Variants in FPGS observed in about 807,000 individuals in gnomAD.
FPGS encodes folylpolyglutamate synthase.
A neutral mutation model predicts 66.5 loss-of-function variants in FPGS; 53 were observed. The observed-to-expected ratio is 0.80, with a 90% confidence interval of 0.64 to 1.00. FPGS has a LOEUF of 1.00. FPGS is among the 50% of genes least tolerant of loss of function. The pLI is 0.00. For synonymous variants in FPGS, 348 were observed against 350.9 expected (o/e 0.99, Z 0.09); for missense variants, 702 against 807.7 (o/e 0.87, Z 1.59).
chr9:127,811,363 T>C (rs1362972182), intron 14 of FPGS, among the ~76,000 whole-genome samples: 2 of 151,332 alleles, frequency 1.3e-5, no homozygotes, highest in African/African-American at 4.9e-5. Context: ...GTGCCTGTAG[T>C]CTCAGCTACT....
chr9:127,804,791 C>G (rs1829745736), intron 4 of FPGS, 91 bp downstream of exon 4: 2 of 1,246,376 alleles, frequency 1.6e-6, no homozygotes, highest in Non-Finnish European at 2.4e-6. Context: ...AGGGTCACCC[C>G]CAGGAGGTCA....
At chr9:127,804,037 A>G (rs1291758099) in intron 1 of FPGS, among the ~76,000 whole-genome samples, 1 of 152,218 alleles carries the variant, frequency 6.6e-6, no homozygotes, top group East Asian at 1.9e-4. Context: ...CCCGTTAGTC[A>G]TGCCACCTTC....
Position 127,807,908 on chromosome 9 carries a change from C to T in FPGS, c.744+220C>T. 1 of 570,816 alleles carries T rather than the reference C, an allele frequency of 1.8e-6. No individual in the cohort carries two copies. Among genetic ancestry groups the T allele is most frequent in the Non-Finnish European group, 3.1e-6 (1 of 324,992 alleles). 35.4% of individuals were successfully genotyped at this position (570,816 alleles called of 1,614,324 possible). On this transcript the variant is annotated intron_variant, in intron 8 of 14. Transcript: ENST00000373247. This position sits in a 1 kb window ranked among gnomAD's most constrained non-coding sequence, Gnocchi z 5.8. ...ATCACCTGAGATCCGGAGTTTGAGA[C>T]CAGCCTGACCAATATGGGGAAACTC... is the stretch of plus-strand genomic sequence containing the variant.
chr9:127,804,610 G>T, intron 3 of FPGS, 26 bp from the exon 4 acceptor site: 1 of 1,614,054 alleles, frequency 6.2e-7, no homozygotes, highest in Non-Finnish European at 8.5e-7. Context: ...AGTAGAGCCT[G>T]CCCAGACAAT....
chr9:127,807,669 A>T lies in FPGS; in HGVS notation c.725A>T (p.Gln242Leu). 6.3e-7 allele frequency: 1 copy of T among 1,591,620 alleles called. No homozygotes were observed. Residue 242 changes from glutamine to leucine, a missense_variant, in exon 8 of 15, where the codon CAG becomes CTG. This residue lies in a region of FPGS where 240 missense variants were observed against 348.6 expected (regional missense o/e 0.69). Coordinates refer to ENST00000373247, the MANE Select transcript of FPGS (RefSeq NM_004957.6). The surrounding 1 kb of genome is among the most constrained non-coding windows in gnomAD (Gnocchi z 5.8). ...GATACGGTGGAGAAGATCGCATGGC[A>T]GAAAGGGGGCATCTTTAAGGTGACC... is the stretch of plus-strand genomic sequence containing the variant. ...LGDTVEKIAW[Q>L]KGGIFKQGVP...
rs1175098659 is a variant in FPGS, at chr9:127,807,508, G to A, written c.641+26G>A. ...GTGAGCGCAGTTGCTTGGGACGAGGGGTGGCAGCCAGGAGCACAGCCTCAC... is the reference window on the plus strand; with the variant it reads ...GTGAGCGCAGTTGCTTGGGACGAGGAGTGGCAGCCAGGAGCACAGCCTCAC... On this transcript the variant is annotated intron_variant, in intron 7 of 14. Coordinates refer to ENST00000373247, the MANE Select transcript of FPGS (RefSeq NM_004957.6). This position sits in a 1 kb window ranked among gnomAD's most constrained non-coding sequence, Gnocchi z 5.8. 1.2e-6 allele frequency: 2 copies of A among 1,613,756 alleles called. No individual in the cohort carries two copies. Among genetic ancestry groups the A allele is most frequent in the Admixed American group, 1.7e-5 (1 of 59,932 alleles).
chr9:127,808,180 TAGG>T, intron 8 of FPGS, 51 bp from the exon 9 acceptor site: 1 of 1,328,486 alleles, frequency 7.5e-7, no homozygotes, highest in South Asian at 1.2e-5. Context: ...GGGCCAGAGA[TAGG>T]AGTGTGGAGG....
chr9:127,812,571 A>G (rs1248851080), intron 14 of FPGS, among the ~76,000 whole-genome samples: 1 of 152,200 alleles, frequency 6.6e-6, no homozygotes, highest in Non-Finnish European at 1.5e-5. Context: ...GCTTGATCTC[A>G]GCTCACTGCA....
Position 127,804,351 on chromosome 9 carries a change from C to A in FPGS, c.205C>A (p.Arg69=). 6.2e-7 allele frequency: 1 copy of A among 1,614,170 alleles called. No homozygotes were observed. The highest frequency in any genetic ancestry group is 8.5e-7 in the Non-Finnish European group (1 of 1,180,028). ...CTACCTGGAGCAGGTGAAGCGCCAG[C>A]GGGGTGACCCTCAGACACAGTTGGA... ...AGYLEQVKRQ[R]GDPQTQLEAM... The change falls in exon 2 of 15, where the codon CGG becomes AGG. Residue 69 remains arginine (R), a synonymous_variant. Coordinates refer to ENST00000373247, the MANE Select transcript of FPGS (RefSeq NM_004957.6).
rs1038958808 is a variant in FPGS at position 127,808,387 on chromosome 9, G to A, written c.822+76G>A. 6.7e-6 allele frequency: 10 copies of A among 1,487,614 alleles called. No homozygotes were observed. The African/African-American group carries it at 9.7e-5, about 14-fold the overall frequency. 92.2% of individuals were successfully genotyped at this position (1,487,614 alleles called of 1,614,324 possible). On this transcript the variant is annotated intron_variant, in intron 9 of 14. Transcript: ENST00000373247. ...GTTTGAGGAGGCACTGCATCCTCTG[G>A]GGCCTCAGTTTGCCCATCTGTGCAG...
rs771250197 is a variant in FPGS, at chr9:127,810,963, G to A, written c.1306G>A (p.Ala436Thr). 1 of 1,582,208 alleles carries A rather than the reference G, an allele frequency of 6.3e-7. No individual in the cohort carries two copies. Among genetic ancestry groups the A allele is most frequent in the South Asian group, 1.2e-5 (1 of 86,290 alleles). The part of the protein sequence containing the change: ...KLLQPCQFDY[A>T]VFCPNLTEVS... ...CTTCTAGCCCTGCCAGTTTGACTAT[G>A]CCGTCTTCTGCCCTAACCTGACAGA... The change falls in exon 14 of 15, where the codon GCC (alanine) becomes ACC (threonine). Residue 436 changes from alanine (A) to threonine (T), a missense_variant. Coordinates refer to ENST00000373247, the MANE Select transcript of FPGS (RefSeq NM_004957.6).
chr9:127,804,712 T>G lies in FPGS; in HGVS notation c.386+12T>G, dbSNP rs1564440840. On this transcript the variant is annotated intron_variant, in intron 4 of 14. Coordinates refer to ENST00000373247, the MANE Select transcript of FPGS (RefSeq NM_004957.6). ...ACGGGATTCTTTAGGTACTGGCTTGTGGGGGGATGTGGTGTCTGTGTCCCA... is the reference window on the plus strand; with the variant it reads ...ACGGGATTCTTTAGGTACTGGCTTGGGGGGGGATGTGGTGTCTGTGTCCCA... The G allele has an allele frequency of 3.1e-6, 5 of 1,613,598 alleles. No homozygotes were observed. Among genetic ancestry groups the G allele is most frequent in the Admixed American group, 1.7e-5 (1 of 59,966 alleles).
downstream of FPGS, chr9:127,814,159 G>A (rs142369970): frequency 2.7e-4 from 263 of 985,966 alleles, no homozygotes; most frequent in African/African-American, 4.4e-3. Flanking sequence ...TGTAGAGGGA[G>A]CCTGGCTGTG....
downstream of FPGS, chr9:127,814,089 C>T (rs1325985535): frequency 2.0e-6 from 2 of 986,888 alleles, no homozygotes; most frequent in Non-Finnish European, 2.4e-6. Context: ...TGACCCTTGA[C>T]CCCCTGCTCC....
rs1181092622 is a variant in FPGS, at chr9:127,809,782, G to A, written c.1159G>A (p.Ala387Thr). Residue 387 changes from alanine to threonine, a missense_variant, in exon 12 of 15, where the codon GCC (alanine) becomes ACC (threonine). Physicochemically the swap from Ala to Thr is moderately conservative, Grantham distance 58. Coordinates refer to ENST00000373247, the MANE Select transcript of FPGS (RefSeq NM_004957.6). ...DGAHTASSAQ[A>T]CVRWFRQALQ... ...TGCGCACACCGCCAGCAGCGCGCAG[G>A]CCTGCGTGCGCTGGTTCCGCCAGGC... 2 of 1,553,142 alleles carry A rather than the reference G, an allele frequency of 1.3e-6. No individual in the cohort carries two copies. The highest frequency in any genetic ancestry group is 1.9e-5 in the Admixed American group (1 of 52,566).
At chr9:127,809,944 AGGGGCG>A in intron 12 of FPGS, 81 bp from the exon 13 acceptor site, 11 of 240,786 alleles carry the variant, frequency 4.6e-5, no homozygotes, top group Non-Finnish European at 8.6e-5. Context: ...GCCCATGGGG[AGGGGCG>A]GGGTCGTGGG....
rs770970034 is a variant in FPGS, at chr9:127,804,663, A to T, written c.349A>T (p.Ile117Phe). Residue 117 changes from isoleucine to phenylalanine, a missense_variant, in exon 4 of 15, where the codon ATC becomes TTC. Around this residue, in one of 3 missense-constraint regions of FPGS, gnomAD observed 240 missense variants for 348.6 expected, o/e 0.69. Transcript: ENST00000373247. ...CTCCACCTGTGCCTTCACGGAATGT[A>T]TCCTCCGAAGCTATGGCCTGAAGAC... ...KGSTCAFTECILRSYGLKTGF... is the reference protein window; with the variant it reads ...KGSTCAFTECFLRSYGLKTGF... 3.1e-6 allele frequency: 5 copies of T among 1,614,062 alleles called. No individual in the cohort carries two copies. The highest frequency in any genetic ancestry group is 4.2e-6 in the Non-Finnish European group (5 of 1,180,006).
rs543518198 is a variant in FPGS, at chr9:127,808,946, A to ATT, written c.1060+76_1060+77dup. ...ACTGCGTGTGTCTGTGCCCCTTCAG[A>ATT]TTTTTTTTTTTTTTTTTTTTGGTTT... is the stretch of plus-strand genomic sequence containing the variant. On this transcript the variant is annotated intron_variant, in intron 11 of 14. Transcript: ENST00000373247. 2,791 of 886,724 alleles carry ATT rather than the reference A, an allele frequency of 3.1e-3. 17 individuals are homozygous for ATT. The highest frequency in any genetic ancestry group is 0.024 in the African/African-American group (1,193 of 50,164). 54.9% of individuals were successfully genotyped at this position (886,724 alleles called of 1,614,324 possible). A position where few individuals can be genotyped will look rare whatever the true frequency, so the allele number is the denominator to read the frequency against.
intron 11 of FPGS, among the ~76,000 whole-genome samples, chr9:127,809,436 A>G (rs1693539750): frequency 1.3e-5 from 2 of 152,184 alleles, no homozygotes; most frequent in South Asian, 2.1e-4. Context: ...GGCCCCAGCT[A>G]AGGGCTCTCA....
Sources: gnomAD v4.1 joint callset for allele counts (sites outside exome capture counted in the v4.1 genomes callset) on GRCh38, gnomAD v4.1.1 for gene constraint, gnomAD v4.1.1 regional missense constraint, Gnocchi (gnomAD v3.1) non-coding constraint, MANE v1.5 for transcripts, NCBI Gene and HGNC (gene_info 2026-07-23, HGNC 2026-07-21) for gene names.